Variants in GALNT13 observed in about 807,000 individuals in gnomAD.
The protein encoded by GALNT13 is polypeptide N-acetylgalactosaminyltransferase 13, also known as UDP-GalNAc:polypeptide N-acetylgalactosaminyltransferase 13.
GALNT13 carries 28 observed loss-of-function variants against 64.2 expected under a neutral mutation model. The observed-to-expected ratio is 0.44, with a 90% CI of 0.32 to 0.60. The LOEUF is 0.60. GALNT13 is among the 20% of genes least tolerant of loss of function. The pLI is 0.05. For missense variants in GALNT13, 577 were observed against 669.8 expected (o/e 0.86, Z 1.53); for synonymous variants, 214 against 224.6 (o/e 0.95, Z 0.42).
chr2:154,312,609 C>CTGT, intron 9 of GALNT13, among the ~76,000 whole-genome samples: 1 of 152,236 alleles, frequency 6.6e-6, no homozygotes, highest in African/African-American at 2.4e-5. Flanking sequence ...AAGAATTTAA[C>CTGT]TGTTGAAGTA....
At chr2:153,874,447 G>C (rs2105218581) in intron 1 of GALNT13, among the ~76,000 whole-genome samples, 1 of 152,124 alleles carries the variant, frequency 6.6e-6, no homozygotes, top group South Asian at 2.1e-4. Context: ...ATCCGCTTTG[G>C]AGAGGAAGAA....
intron 11 of GALNT13, among the ~76,000 whole-genome samples, chr2:154,431,120 A>G (rs1700692002): frequency 6.6e-6 from 1 of 152,156 alleles, no homozygotes; most frequent in Non-Finnish European, 1.5e-5. Flanking sequence ...GCATGTACAT[A>G]CATACACACT....
intron 4 of GALNT13, among the ~76,000 whole-genome samples, chr2:154,223,684 AT>A (rs1304115268): frequency 3.3e-5 from 5 of 151,768 alleles, no homozygotes; most frequent in African/African-American, 9.7e-5. Context: ...TAAATTTAGT[AT>A]TTCACTTTTA....
At chr2:153,574,686 T>C in the GALNT13 span, among the ~76,000 whole-genome samples, 1 of 151,876 alleles carries the variant, frequency 6.6e-6, no homozygotes, top group African/African-American at 2.4e-5. Context: ...CTCCAGAATT[T>C]CTGCTTGATG....
the GALNT13 span, among the ~76,000 whole-genome samples, chr2:153,800,169 T>C: frequency 6.6e-6 from 1 of 151,148 alleles, no homozygotes; most frequent in African/African-American, 2.4e-5. Context: ...ATAAAGCAAA[T>C]ATTGCAATAA....
the GALNT13 span, among the ~76,000 whole-genome samples, chr2:153,178,802 C>T: frequency 7.5e-6 from 1 of 133,266 alleles, no homozygotes; most frequent in African/African-American, 2.8e-5. Context: ...GTGGCATGAT[C>T]TTGGCTCACC....
chr2:154,299,032 A>G (rs1366591435), intron 8 of GALNT13, among the ~76,000 whole-genome samples: 1 of 146,446 alleles, frequency 6.8e-6, no homozygotes, highest in Non-Finnish European at 1.5e-5. Flanking sequence ...ACAGATACAA[A>G]TATATTATAT....
the GALNT13 span, among the ~76,000 whole-genome samples, chr2:153,295,796 G>A: frequency 2.6e-5 from 4 of 152,242 alleles, no homozygotes; most frequent in Admixed American, 2.6e-4. Flanking sequence ...TGCATCATAA[G>A]AAGATTCTCA....
At chr2:154,000,684 G>T (rs1043382532) in intron 3 of GALNT13, among the ~76,000 whole-genome samples, 10 of 152,062 alleles carry the variant, frequency 6.6e-5, no homozygotes, top group African/African-American at 1.9e-4. Context: ...TAAAAAAATT[G>T]TTAAGACTTG....
chr2:153,583,621 T>C, the GALNT13 span, among the ~76,000 whole-genome samples: 1 of 152,112 alleles, frequency 6.6e-6, no homozygotes, highest in East Asian at 1.9e-4. Context: ...GGATAGCATA[T>C]TCACCCTCCC....
At chr2:153,678,456 T>G in the GALNT13 span, among the ~76,000 whole-genome samples, 2 of 152,020 alleles carry the variant, frequency 1.3e-5, no homozygotes, top group Admixed American at 1.3e-4. Flanking sequence ...ATATTCTCAC[T>G]TATATGCGGG....
intron 4 of GALNT13, among the ~76,000 whole-genome samples, chr2:154,151,626 C>CAT (rs1318948493): frequency 6.6e-6 from 1 of 152,130 alleles, no homozygotes; most frequent in Non-Finnish European, 1.5e-5. Context: ...GTATTGGGTG[C>CAT]ATATATATTT....
At chr2:153,596,975 T>C in the GALNT13 span, among the ~76,000 whole-genome samples, 1 of 152,052 alleles carries the variant, frequency 6.6e-6, no homozygotes. Flanking sequence ...AAAACACCCA[T>C]AAACAAAATC....
At chr2:153,706,274 C>T in the GALNT13 span, among the ~76,000 whole-genome samples, 2 of 152,106 alleles carry the variant, frequency 1.3e-5, no homozygotes, top group African/African-American at 2.4e-5. Context: ...GGATTACAGA[C>T]GTGAGCTACT....
chr2:154,307,533 TAG>T (rs1693804773), intron 9 of GALNT13, among the ~76,000 whole-genome samples: 1 of 152,172 alleles, frequency 6.6e-6, no homozygotes, highest in East Asian at 1.9e-4. Context: ...ACAAAGTTGG[TAG>T]AGTCTATTTA....
chr2:153,969,672 C>T (rs1441222461), intron 3 of GALNT13, among the ~76,000 whole-genome samples: 1 of 152,110 alleles, frequency 6.6e-6, no homozygotes, highest in Non-Finnish European at 1.5e-5. Flanking sequence ...CCGCCTATTA[C>T]AGTTTGCTTA....
chr2:153,306,750 T>A, the GALNT13 span, among the ~76,000 whole-genome samples: 1 of 152,188 alleles, frequency 6.6e-6, no homozygotes, highest in Non-Finnish European at 1.5e-5. Context: ...ATTCTCTCTC[T>A]CCCTTTTTGT....
chr2:154,413,634 G>A (rs151021515), intron 11 of GALNT13, among the ~76,000 whole-genome samples: 1 of 151,940 alleles, frequency 6.6e-6, no homozygotes, highest in East Asian at 1.9e-4. Context: ...CTCATTCCTT[G>A]AATGCTTTCA....
the GALNT13 span, among the ~76,000 whole-genome samples, chr2:153,413,887 C>T: frequency 1.3e-5 from 2 of 152,162 alleles, no homozygotes; most frequent in Middle Eastern, 3.4e-3. Context: ...AAGCGTTACC[C>T]ACAATTGATT....
Sources: allele counts gnomAD v4.1 joint callset (sites outside exome capture counted in the v4.1 genomes callset), GRCh38; gene constraint gnomAD v4.1.1; transcripts MANE v1.5; gene names NCBI Gene and HGNC (gene_info 2026-07-23, HGNC 2026-07-21).